CHN2: variants seen among roughly 807,000 people sequenced by gnomAD.
The protein encoded by CHN2 is beta-chimaerin.
Under a neutral mutation model 56.3 loss-of-function variants are expected in CHN2, and 35 were observed. The observed-to-expected ratio is 0.62, with a 90% CI of 0.47 to 0.82. The LOEUF (loss-of-function observed/expected upper bound fraction) is 0.82. Among genes scored for constraint, CHN2 ranks in the 40% least tolerant of loss-of-function variants. The probability of loss-of-function intolerance (pLI) is 0.00; values close to 1 mark genes in which losing one functional copy is unlikely to be tolerated. For synonymous variants in CHN2, 210 were observed against 212.8 expected, an observed-to-expected ratio of 0.99 and a Z score of 0.12; for missense variants, 491 against 580.5, an observed-to-expected ratio of 0.85 and a Z score of 1.58.
chr7:29,158,920 A>G (rs1342392415), intron 2 of CHN2, among the ~76,000 whole-genome samples: 5 of 152,238 alleles, frequency 3.3e-5, no homozygotes, highest in Admixed American at 3.3e-4. Flanking sequence ...AAAAATTGCT[A>G]GAGGAATGTA....
intron 6 of CHN2, among the ~76,000 whole-genome samples, chr7:29,413,057 A>T (rs1484935713): frequency 6.6e-6 from 1 of 152,188 alleles, no homozygotes; most frequent in Non-Finnish European, 1.5e-5. Context: ...ATTTTGCAAT[A>T]AAAAAATGTC....
In CHN2 at chr7:29,509,403, A is replaced by T. The variant is rs772757394; in HGVS notation, c.1232A>T (p.Lys411Ile). 6.2e-7 allele frequency: 1 copy of T among 1,612,600 alleles called. No homozygotes were observed. The highest frequency in any genetic ancestry group is 8.5e-7 in the Non-Finnish European group (1 of 1,178,818). Residue 411 changes from lysine (K) to isoleucine (I), a missense_variant, in exon 12 of 13, where the codon AAA becomes ATA. Lys to Ile is a moderately radical substitution (Grantham distance 102). Coordinates refer to ENST00000222792, the MANE Select transcript of CHN2 (RefSeq NM_004067.4). ...CTCCGGTACCTAATGATCCACCTCA[A>T]AAAGTAAGCTCATGTCTCGTGCACA... ...ETLRYLMIHL[K>I]KVTMNEKDNF...
At chr7:29,317,854 T>C (rs1175348582) in intron 1 of CHN2, among the ~76,000 whole-genome samples, 2 of 151,964 alleles carry the variant, frequency 1.3e-5, no homozygotes, top group Non-Finnish European at 2.9e-5. Context: ...CCCAGTGTGG[T>C]GGTGTGTTTG....
intron 1 of CHN2, among the ~76,000 whole-genome samples, chr7:29,204,065 CTCTGTGTGTGTGTGTG>C (rs1403998143): frequency 5.7e-4 from 77 of 136,012 alleles, no homozygotes; most frequent in African/African-American, 1.3e-3. Context: ...TTTTCTCTCT[CTCTGTGTGTGTGTGTG>C]TGTGTGTGTG....
chr7:29,220,400 T>C (rs912564833), intron 1 of CHN2, among the ~76,000 whole-genome samples: 17 of 151,648 alleles, frequency 1.1e-4, no homozygotes, highest in African/African-American at 4.1e-4. Context: ...ATTAATATAA[T>C]TGATACATCT....
intron 1 of CHN2, among the ~76,000 whole-genome samples, chr7:29,266,544 A>G (rs978081034): frequency 9.8e-5 from 15 of 152,338 alleles, no homozygotes; most frequent in African/African-American, 3.6e-4. Context: ...TTGATCGTTT[A>G]TGAGCAAGAG....
intron 7 of CHN2, among the ~76,000 whole-genome samples, chr7:29,486,068 G>A (rs1042097387): frequency 4.6e-5 from 7 of 151,924 alleles, no homozygotes; most frequent in Non-Finnish European, 7.4e-5. Context: ...TCTCCCTAGC[G>A]CTGATCACCA....
At chr7:29,492,849 C>T (rs2128562756) in intron 7 of CHN2, among the ~76,000 whole-genome samples, 1 of 152,298 alleles carries the variant, frequency 6.6e-6, no homozygotes, top group East Asian at 1.9e-4. Flanking sequence ...TTCATTGAAC[C>T]TCTTATCAGC....
intron 2 of CHN2, among the ~76,000 whole-genome samples, chr7:29,169,798 A>G (rs955266153): frequency 2.0e-5 from 3 of 151,700 alleles, no homozygotes; most frequent in Non-Finnish European, 2.9e-5. Flanking sequence ...TCCTTATTCC[A>G]TGGCTACCTG....
At chr7:29,196,194 A>G (rs1261670938) in intron 1 of CHN2, among the ~76,000 whole-genome samples, 1 of 152,246 alleles carries the variant, frequency 6.6e-6, no homozygotes, top group African/African-American at 2.4e-5. Flanking sequence ...TCATAAATGC[A>G]AGGTGAATTT....
At chr7:29,262,221 C>G (rs995852123) in intron 1 of CHN2, among the ~76,000 whole-genome samples, 1 of 152,158 alleles carries the variant, frequency 6.6e-6, no homozygotes, top group Non-Finnish European at 1.5e-5. Context: ...CACAGAAGGT[C>G]TCTTCTGTGT....
chr7:29,454,492 A>G lies in CHN2; in HGVS notation c.577-25787A>G, dbSNP rs536273058. On this transcript the variant is annotated intron_variant, in intron 6 of 12. Coordinates refer to ENST00000222792, the MANE Select transcript of CHN2 (RefSeq NM_004067.4). ...AGGTTTTGTATTTGCATCTCATTTT[A>G]GCCAACTAATCCACAATCATGAGTG... Among the ~76,000 whole-genome samples, 8 of 152,312 alleles carry G rather than the reference A, an allele frequency of 5.3e-5. No individual in the cohort carries two copies. In the South Asian group the frequency reaches 1.7e-3, roughly 32 times the overall value.
Position 29,275,670 on chromosome 7 carries a change from CTAT to C in CHN2, c.50-78947_50-78945del, listed in dbSNP as rs1246409433. Reference sequence around the variant, plus strand: ...TCACCACAGCCCTTTGAAGGAGGTACTATTATTATTCCGGTTTTGCAGAGGAGG... The same window carrying C: ...TCACCACAGCCCTTTGAAGGAGGTACTATTATTCCGGTTTTGCAGAGGAGG... On this transcript the variant is annotated intron_variant, in intron 1 of 12. Transcript: ENST00000222792. 2.0e-5 allele frequency among the ~76,000 whole-genome samples: 3 copies of C among 152,192 alleles called. No individual in the cohort carries two copies. In the East Asian group the frequency reaches 5.8e-4, roughly 29 times the overall value.
chr7:29,495,597 T>G (rs1789180233), intron 7 of CHN2, among the ~76,000 whole-genome samples: 2 of 152,206 alleles, frequency 1.3e-5, no homozygotes, highest in South Asian at 4.1e-4. Flanking sequence ...AGTTCTGCCT[T>G]CCAGAACTTG....
chr7:29,276,949 G>T (rs977694600), intron 1 of CHN2, among the ~76,000 whole-genome samples: 1 of 152,192 alleles, frequency 6.6e-6, no homozygotes, highest in Non-Finnish European at 1.5e-5. Flanking sequence ...CGCAAGAAGG[G>T]CTGGACAACT....
intron 1 of CHN2, among the ~76,000 whole-genome samples, chr7:29,251,831 A>G (rs560566770): frequency 6.6e-6 from 1 of 152,306 alleles, no homozygotes; most frequent in East Asian, 1.9e-4. Flanking sequence ...AATAGAACCT[A>G]ATTATATGTA....
intron 2 of CHN2, among the ~76,000 whole-genome samples, chr7:29,156,259 A>C (rs191947183): frequency 5.3e-5 from 8 of 152,346 alleles, no homozygotes; most frequent in Admixed American, 2.6e-4. Context: ...ATCTGTTGCA[A>C]AGTAATTACA....
intron 1 of CHN2, among the ~76,000 whole-genome samples, chr7:29,231,856 C>G (rs1302832043): frequency 6.6e-6 from 1 of 152,168 alleles, no homozygotes; most frequent in Non-Finnish European, 1.5e-5. Flanking sequence ...CACATGTGAT[C>G]ATGGTTCCTA....
At chr7:29,166,193 G>GT (rs563442024) in intron 2 of CHN2, among the ~76,000 whole-genome samples, 146 of 151,296 alleles carry the variant, frequency 9.6e-4, no homozygotes, top group African/African-American at 2.8e-3. Context: ...ACCACATCCA[G>GT]TTTTTTTTTG....
Sources: gnomAD v4.1 joint callset for allele counts (sites outside exome capture counted in the v4.1 genomes callset) on GRCh38, gnomAD v4.1.1 for gene constraint, MANE v1.5 for transcripts, NCBI Gene and HGNC (gene_info 2026-07-23, HGNC 2026-07-21) for gene names.